IMMP2L: variants seen among roughly 807,000 people sequenced by gnomAD.
IMMP2L encodes the protein mitochondrial inner membrane protease subunit 2.
A neutral mutation model predicts 19.3 loss-of-function variants in IMMP2L; 18 were observed. The observed-to-expected ratio is 0.93, with a 90% CI of 0.64 to 1.38. IMMP2L has a LOEUF of 1.38. IMMP2L is among the 40% of genes most tolerant of loss of function. The pLI is 0.00. For synonymous variants in IMMP2L, 76 were observed against 73.0 expected, an observed-to-expected ratio of 1.04 and a Z score of -0.21; for missense variants, 233 against 218.2, an observed-to-expected ratio of 1.07 and a Z score of -0.43.
At chr7:110,734,827 G>T (rs1796510544) in intron 5 of IMMP2L, among the ~76,000 whole-genome samples, 1 of 152,292 alleles carries the variant, frequency 6.6e-6, no homozygotes, top group East Asian at 1.9e-4. Flanking sequence ...GCCCTCAGCT[G>T]CATAGGTAAG....
intron 4 of IMMP2L, among the ~76,000 whole-genome samples, chr7:110,915,881 A>G (rs1360209042): frequency 6.6e-6 from 1 of 152,218 alleles, no homozygotes; most frequent in Non-Finnish European, 1.5e-5. Context: ...ATTGTAGACT[A>G]TTTGTGAAAA....
intron 3 of IMMP2L, among the ~76,000 whole-genome samples, chr7:111,445,103 T>C (rs918516523): frequency 6.6e-6 from 1 of 152,100 alleles, no homozygotes; most frequent in African/African-American, 2.4e-5. Context: ...AAAAATGACC[T>C]ATGTGAGAAA....
At chr7:111,168,930 G>C (rs1036717613) in intron 3 of IMMP2L, among the ~76,000 whole-genome samples, 9 of 151,692 alleles carry the variant, frequency 5.9e-5, no homozygotes. Flanking sequence ...TCTCAGTCTG[G>C]AGGCCCAAAA....
intron 3 of IMMP2L, among the ~76,000 whole-genome samples, chr7:111,155,683 T>C (rs539800834): frequency 6.6e-6 from 1 of 151,890 alleles, no homozygotes; most frequent in East Asian, 1.9e-4. Flanking sequence ...TATATATATA[T>C]ATACACACAC....
intron 2 of IMMP2L, among the ~76,000 whole-genome samples, chr7:111,495,403 T>C (rs1843498094): frequency 6.6e-6 from 1 of 152,210 alleles, no homozygotes; most frequent in African/African-American, 2.4e-5. Context: ...TAAGTTATGC[T>C]AAAGCTAGAA....
rs148475312 is a variant in IMMP2L at position 111,271,278 on chromosome 7, T to C, written c.239+215960A>G. ...CAGCCATGCTGAACGGTGAATCAAT[T>C]AAACCTCTTCCTTTATAATTTACCC... On this transcript the variant is annotated intron_variant, in intron 3 of 5. Coordinates refer to ENST00000405709, the MANE Select transcript of IMMP2L (RefSeq NM_032549.4). 2.6e-3 allele frequency among the ~76,000 whole-genome samples: 398 copies of C among 152,282 alleles called. 3 individuals are homozygous for C. Among genetic ancestry groups the C allele is most frequent in the African/African-American group, 9.4e-3 (390 of 41,564 alleles).
At chr7:111,497,214 T>C (rs906648314) in intron 2 of IMMP2L, among the ~76,000 whole-genome samples, 1 of 152,112 alleles carries the variant, frequency 6.6e-6, no homozygotes, top group African/African-American at 2.4e-5. Flanking sequence ...ACAAGGTAAT[T>C]TGCCAAAATA....
At chr7:110,896,894 T>A (rs956338280) in intron 4 of IMMP2L, among the ~76,000 whole-genome samples, 3 of 152,028 alleles carry the variant, frequency 2.0e-5, no homozygotes, top group Non-Finnish European at 4.4e-5. Flanking sequence ...GCAGCTGTAG[T>A]CTCAAATTCC....
intron 4 of IMMP2L, among the ~76,000 whole-genome samples, chr7:110,937,054 G>A (rs1038460241): frequency 6.6e-6 from 1 of 152,040 alleles, no homozygotes; most frequent in African/African-American, 2.4e-5. Context: ...GGCCGGTAGG[G>A]GGTTTGAGGG....
At chr7:111,321,921 T>G (rs1166635319) in intron 3 of IMMP2L, among the ~76,000 whole-genome samples, 1 of 151,946 alleles carries the variant, frequency 6.6e-6, no homozygotes, top group African/African-American at 2.4e-5. Context: ...TTATGGACAA[T>G]GAAACACCTT....
At chr7:111,190,834 T>C (rs975367830) in intron 3 of IMMP2L, among the ~76,000 whole-genome samples, 6 of 152,144 alleles carry the variant, frequency 3.9e-5, no homozygotes, top group African/African-American at 1.4e-4. Context: ...AAACAAATTC[T>C]ACAACATCTT....
chr7:111,479,697 T>C (rs1306557789), intron 3 of IMMP2L, among the ~76,000 whole-genome samples: 2 of 151,904 alleles, frequency 1.3e-5, no homozygotes, highest in Admixed American at 1.3e-4. Flanking sequence ...TGCCGTCTTG[T>C]ACTTACTCAT....
intron 3 of IMMP2L, among the ~76,000 whole-genome samples, chr7:111,062,561 A>G (rs1201591658): frequency 1.3e-5 from 2 of 152,186 alleles, no homozygotes; most frequent in Non-Finnish European, 2.9e-5. Flanking sequence ...CACTAACTTA[A>G]AAGTCCACAG....
rs151129626 is a variant in IMMP2L at position 111,463,260 on chromosome 7, C to A, written c.239+23978G>T. 8.7e-4 allele frequency among the ~76,000 whole-genome samples: 133 copies of A among 152,044 alleles called. 1 individual carries two copies. Among genetic ancestry groups the A allele is most frequent in the African/African-American group, 3.0e-3 (125 of 41,466 alleles). ...TGGATTAGGACCCATACAAATGACA[C>A]CTCATTTTAACTTGATTACTTCTGT... On this transcript the variant is annotated intron_variant, in intron 3 of 5. Coordinates refer to ENST00000405709, the MANE Select transcript of IMMP2L (RefSeq NM_032549.4).
chr7:111,280,185 T>C (rs1819535792), intron 3 of IMMP2L, among the ~76,000 whole-genome samples: 1 of 152,212 alleles, frequency 6.6e-6, no homozygotes, highest in Non-Finnish European at 1.5e-5. Flanking sequence ...TCCATCATTA[T>C]GTTTTAGCTG....
chr7:111,466,703 T>C (rs1216639084), intron 3 of IMMP2L, among the ~76,000 whole-genome samples: 1 of 152,118 alleles, frequency 6.6e-6, no homozygotes, highest in Non-Finnish European at 1.5e-5. Flanking sequence ...TCCATATCTG[T>C]GGGTTCCACA....
At chr7:110,703,773 G>A (rs1353337009) in intron 5 of IMMP2L, among the ~76,000 whole-genome samples, 6 of 152,070 alleles carry the variant, frequency 3.9e-5, no homozygotes, top group African/African-American at 1.4e-4. Flanking sequence ...AAAATAAAAT[G>A]TGCAACATAT....
chr7:110,968,880 C>T (rs980838525), intron 3 of IMMP2L, among the ~76,000 whole-genome samples: 2 of 152,042 alleles, frequency 1.3e-5, no homozygotes, highest in South Asian at 2.1e-4. Flanking sequence ...ATTTTAGACA[C>T]CCCTTTCTAT....
intron 4 of IMMP2L, among the ~76,000 whole-genome samples, chr7:110,923,507 T>C (rs1814527269): frequency 6.6e-6 from 1 of 152,178 alleles, no homozygotes; most frequent in South Asian, 2.1e-4. Context: ...CTCTTAAATA[T>C]ATTGGATTCT....
Sources: allele counts gnomAD v4.1 joint callset (sites outside exome capture counted in the v4.1 genomes callset), GRCh38; gene constraint gnomAD v4.1.1; transcripts MANE v1.5; gene names NCBI Gene and HGNC (gene_info 2026-07-23, HGNC 2026-07-21).